Variants in TNR observed in about 807,000 individuals in gnomAD.
The protein encoded by TNR is tenascin R.
Under a neutral mutation model 150.4 loss-of-function variants are expected in TNR, and 45 were observed. The observed-to-expected ratio is 0.30, with a 90% CI of 0.24 to 0.38. TNR has a LOEUF of 0.38. Ranked by LOEUF, TNR falls within the 10% of genes least tolerant of loss-of-function variation. TNR has a pLI of 1.00. For synonymous variants in TNR, 687 were observed against 678.4 expected, an observed-to-expected ratio of 1.01 and a Z score of -0.20; for missense variants, 1,544 against 1,759.1, an observed-to-expected ratio of 0.88 and a Z score of 2.19.
intron 1 of TNR, among the ~76,000 whole-genome samples, chr1:175,742,027 A>G (rs1667944391): frequency 6.6e-6 from 1 of 152,204 alleles, no homozygotes; most frequent in African/African-American, 2.4e-5. Context: ...GGAGACTTGA[A>G]TGATTGAAGG....
intron 2 of TNR, among the ~76,000 whole-genome samples, chr1:175,481,492 C>T (rs1015289598): frequency 6.6e-6 from 1 of 152,100 alleles, no homozygotes; most frequent in Non-Finnish European, 1.5e-5. Flanking sequence ...AAGGGATTAT[C>T]CCCTCTGCTG....
At chr1:175,360,476 G>A (rs1651539887) in intron 14 of TNR, among the ~76,000 whole-genome samples, 1 of 152,184 alleles carries the variant, frequency 6.6e-6, no homozygotes, top group Non-Finnish European at 1.5e-5. Flanking sequence ...CATCTTCCTA[G>A]TCTTACTTGC....
intron 2 of TNR, among the ~76,000 whole-genome samples, chr1:175,471,386 G>A (rs1387156742): frequency 6.6e-6 from 1 of 152,198 alleles, no homozygotes; most frequent in Admixed American, 6.5e-5. Flanking sequence ...GAACATCATA[G>A]AATGCACTTA....
At chr1:175,665,929 C>T (rs1484351910) in intron 1 of TNR, among the ~76,000 whole-genome samples, 1 of 152,196 alleles carries the variant, frequency 6.6e-6, no homozygotes, top group East Asian at 1.9e-4. Context: ...CAAGCTCCTG[C>T]TTACTGAATA....
At chr1:175,617,502 C>T (rs1204989145) in intron 1 of TNR, among the ~76,000 whole-genome samples, 2 of 152,224 alleles carry the variant, frequency 1.3e-5, no homozygotes, top group Non-Finnish European at 2.9e-5. Context: ...TGTCCCATTA[C>T]CTTCCACAGC....
chr1:175,664,078 T>C (rs1665460843), intron 1 of TNR, among the ~76,000 whole-genome samples: 1 of 152,200 alleles, frequency 6.6e-6, no homozygotes, highest in African/African-American at 2.4e-5. Flanking sequence ...GTCACTTCTG[T>C]GTTAGGAGGG....
chr1:175,344,932 C>T (rs1453264804), intron 18 of TNR, among the ~76,000 whole-genome samples: 3 of 152,052 alleles, frequency 2.0e-5, no homozygotes, highest in Non-Finnish European at 2.9e-5. Flanking sequence ...CATGGTGAAA[C>T]CCTGTCTCTA....
intron 1 of TNR, among the ~76,000 whole-genome samples, chr1:175,547,635 AAGAG>A (rs1347320960): frequency 3.0e-5 from 2 of 66,490 alleles, no homozygotes; most frequent in East Asian, 5.3e-4. Context: ...GAAAGAAAGA[AAGAG>A]AAAGAAAGAA....
chr1:175,335,646 A>G (rs1040239195), intron 20 of TNR, 65 bp downstream of exon 20: 3 of 1,494,354 alleles, frequency 2.0e-6, no homozygotes, highest in African/African-American at 1.4e-5. Context: ...GATGGACACA[A>G]AAAGGAGAGA....
intron 1 of TNR, among the ~76,000 whole-genome samples, chr1:175,564,195 G>A (rs7411667): frequency 6.6e-6 from 1 of 152,200 alleles, no homozygotes; most frequent in Non-Finnish European, 1.5e-5. Context: ...GCAGCTTATG[G>A]AAAATGAATT....
At chr1:175,377,956 G>A (rs1370961744) in intron 9 of TNR, among the ~76,000 whole-genome samples, 1 of 152,090 alleles carries the variant, frequency 6.6e-6, no homozygotes, top group African/African-American at 2.4e-5. Flanking sequence ...TTGGATGGGT[G>A]AGCCAGAGGC....
rs113105561 is a variant in TNR, at chr1:175,334,888, A to G, written c.3631+823T>C. 7.9e-3 allele frequency among the ~76,000 whole-genome samples: 1,207 copies of G among 152,326 alleles called. 15 individuals are homozygous for G. Among genetic ancestry groups the G allele is most frequent in the African/African-American group, 0.026 (1,061 of 41,576 alleles). ...ATTGGGTTTATCTGTGCAAAAGACA[A>G]GAAGAACCTGTTGGGTGATTATAGC... On this transcript the variant is annotated intron_variant, in intron 20 of 22. Coordinates refer to ENST00000367674, the MANE Select transcript of TNR (RefSeq NM_003285.3).
intron 1 of TNR, among the ~76,000 whole-genome samples, chr1:175,535,195 G>A (rs2102183123): frequency 6.6e-6 from 1 of 152,308 alleles, no homozygotes; most frequent in Non-Finnish European, 1.5e-5. Context: ...GTGGTGCTTA[G>A]AGTTGGCTCC....
intron 18 of TNR, among the ~76,000 whole-genome samples, chr1:175,348,041 AAG>A (rs1650880516): frequency 6.6e-6 from 1 of 152,208 alleles, no homozygotes; most frequent in African/African-American, 2.4e-5. Context: ...TAGAATCAAT[AAG>A]AGAGTTCAGC....
Position 175,517,653 on chromosome 1 carries a change from G to A in TNR, c.-64+10616C>T, listed in dbSNP as rs534490536. Among the ~76,000 whole-genome samples the A allele has an allele frequency of 6.6e-5, 10 of 152,298 alleles. No homozygotes were observed. In the South Asian group the frequency reaches 2.1e-3, roughly 32 times the overall value. ...ACGAATCTGTATTTTTGTAAAAGCT[G>A]TCCTATTGGTTTTGGTTTTAGTATA... On this transcript the variant is annotated intron_variant, in intron 2 of 22. Transcript: ENST00000367674.
chr1:175,329,208 A>G (rs1311469562), intron 21 of TNR, among the ~76,000 whole-genome samples: 1 of 152,246 alleles, frequency 6.6e-6, no homozygotes, highest in Admixed American at 6.5e-5. Context: ...TGTTAAAATT[A>G]TACACCAGCA....
intron 1 of TNR, among the ~76,000 whole-genome samples, chr1:175,624,823 C>T (rs554780377): frequency 1.4e-4 from 22 of 152,240 alleles, no homozygotes; most frequent in Admixed American, 9.2e-4. Context: ...GATGGAGCAA[C>T]GTGCAGAGAA....
chr1:175,625,966 C>T, intron 1 of TNR, among the ~76,000 whole-genome samples: 1 of 135,906 alleles, frequency 7.4e-6, no homozygotes, highest in East Asian at 2.7e-4. Flanking sequence ...TGGGAGGGAC[C>T]CGGGGGGGAG....
chr1:175,366,252 G>T (rs1282672509), intron 10 of TNR, 114 bp from the exon 11 acceptor site: 9 of 1,111,496 alleles, frequency 8.1e-6, no homozygotes, highest in Non-Finnish European at 2.5e-6. Context: ...ATGAGCACTA[G>T]CTTGTCATTG....
Sources: allele counts gnomAD v4.1 joint callset (sites outside exome capture counted in the v4.1 genomes callset), GRCh38; gene constraint gnomAD v4.1.1; transcripts MANE v1.5; gene names NCBI Gene and HGNC (gene_info 2026-07-23, HGNC 2026-07-21).